IGF1R: variants seen among roughly 807,000 people sequenced by gnomAD.
IGF1R encodes the protein insulin like growth factor 1 receptor.
In IGF1R, 44 loss-of-function variants were observed where a neutral mutation model predicts 144.6. That is an observed-to-expected ratio of 0.30 (90% confidence interval 0.24 to 0.39). The LOEUF is 0.39. IGF1R is among the 10% of genes least tolerant of loss of function. The pLI, the probability that IGF1R is intolerant of heterozygous loss-of-function variation, is 1.00. For missense variants in IGF1R, 1,355 were observed against 1,833.7 expected, an observed-to-expected ratio of 0.74 and a Z score of 4.77; for synonymous variants, 795 against 722.8, an observed-to-expected ratio of 1.10 and a Z score of -1.60.
At chr15:98,941,742 T>C (rs1596475013) in intron 18 of IGF1R, among the ~76,000 whole-genome samples, 2 of 152,326 alleles carry the variant, frequency 1.3e-5, no homozygotes, top group South Asian at 2.1e-4. Context: ...GTAAATTATG[T>C]TGGTTCAAGT....
intron 1 of IGF1R, among the ~76,000 whole-genome samples, chr15:98,666,065 G>A (rs75422555): frequency 6.6e-6 from 1 of 152,160 alleles, no homozygotes; most frequent in South Asian, 2.1e-4. Context: ...AGGAGGAGGG[G>A]TTAATTCTTT....
rs2016116418 is a variant in IGF1R, at chr15:98,935,705, C to G, written c.3297+279C>G. Among the ~76,000 whole-genome samples, 1 of 152,052 alleles carries G rather than the reference C, an allele frequency of 6.6e-6. No homozygotes were observed. Among genetic ancestry groups the G allele is most frequent in the Non-Finnish European group, 1.5e-5 (1 of 67,996 alleles). On this transcript the variant is annotated intron_variant, in intron 17 of 20. Transcript: ENST00000650285. The surrounding 1 kb of genome is among the most constrained non-coding windows in gnomAD (Gnocchi z 4.2). ...TTCCCTCCACCCCCAGTCCCCTCCC[C>G]ACATCAGTGTCCACCTGCCAAGCCA... is the stretch of plus-strand genomic sequence containing the variant.
chr15:98,729,755 T>G (rs774541036), intron 2 of IGF1R, among the ~76,000 whole-genome samples: 22 of 152,162 alleles, frequency 1.4e-4, no homozygotes, highest in Admixed American at 6.5e-4. Context: ...TGAAGAGCCC[T>G]AACAGTAGGT....
In IGF1R at chr15:98,707,490, A is replaced by G; in HGVS notation, c.95-72A>G. ...TACAGGATTCCTGAAAACCAACTGT[A>G]TTATTGTTTGGAAAATAGTTTAAAA... On this transcript the variant is annotated intron_variant, in intron 1 of 20. Coordinates refer to ENST00000650285, the MANE Select transcript of IGF1R (RefSeq NM_000875.5). The surrounding 1 kb of genome is among the most constrained non-coding windows in gnomAD (Gnocchi z 6.7). 4 of 1,414,034 alleles carry G rather than the reference A, an allele frequency of 2.8e-6. No homozygotes were observed. Among genetic ancestry groups the G allele is most frequent in the Admixed American group, 3.8e-5 (2 of 53,248 alleles). The allele number at this position is 1,414,034 out of a possible 1,614,324, so 87.6% of individuals were successfully genotyped here. A position where few individuals can be genotyped will look rare whatever the true frequency, so the allele number is the denominator to read the frequency against.
intron 2 of IGF1R, among the ~76,000 whole-genome samples, chr15:98,826,924 G>A (rs112126639): frequency 3.9e-5 from 6 of 152,116 alleles, no homozygotes; most frequent in African/African-American, 7.2e-5. Context: ...AAAAGTCTAC[G>A]GGGTTTATAA....
chr15:98,818,595 G>A (rs2056743231), intron 2 of IGF1R, among the ~76,000 whole-genome samples: 1 of 151,852 alleles, frequency 6.6e-6, no homozygotes, highest in African/African-American at 2.4e-5. Context: ...GGGGGGTAGG[G>A]GTGCAGTCCT....
At chr15:98,709,251 TAAATA>T (rs1259521134) in intron 2 of IGF1R, among the ~76,000 whole-genome samples, 1 of 152,166 alleles carries the variant, frequency 6.6e-6, no homozygotes, top group Non-Finnish European at 1.5e-5. Flanking sequence ...GTGTGTAAAG[TAAATA>T]AAGGACAGAC....
At chr15:98,930,645 G>T (rs896141886) in intron 15 of IGF1R, among the ~76,000 whole-genome samples, 6 of 150,824 alleles carry the variant, frequency 4.0e-5, no homozygotes, top group African/African-American at 1.5e-4. Flanking sequence ...TCTAGTCAGA[G>T]GATATGCTGC....
intron 15 of IGF1R, among the ~76,000 whole-genome samples, chr15:98,933,434 C>A (rs1166516391): frequency 6.6e-6 from 1 of 152,044 alleles, no homozygotes; most frequent in Non-Finnish European, 1.5e-5. Flanking sequence ...GCCTCAACCT[C>A]CTGGGCTCAG....
intron 20 of IGF1R, among the ~76,000 whole-genome samples, chr15:98,956,764 A>G (rs2017002353): frequency 6.6e-6 from 1 of 152,258 alleles, no homozygotes; most frequent in Admixed American, 6.5e-5. Context: ...AACAGCTGTC[A>G]CGATGGACAG....
At chr15:98,896,609 A>G (rs1425494227) in intron 3 of IGF1R, 148 bp from the exon 4 acceptor site, 4 of 780,822 alleles carry the variant, frequency 5.1e-6, no homozygotes, top group Non-Finnish European at 8.3e-6. Context: ...GGGGTGAGAT[A>G]CCATGTGACC....
At chr15:98,703,282 T>A (rs2053780781) in intron 1 of IGF1R, among the ~76,000 whole-genome samples, 1 of 152,224 alleles carries the variant, frequency 6.6e-6, no homozygotes, top group Admixed American at 6.5e-5. Context: ...TAATCATCGG[T>A]GAGTAGCCAC....
chr15:98,735,191 T>C lies in IGF1R; in HGVS notation c.640+27084T>C, dbSNP rs1018909191. On this transcript the variant is annotated intron_variant, in intron 2 of 20. Transcript: ENST00000650285. ...TCGTTTCAGTCCAGGTAGGGTTTTA[T>C]GTCCCTGTCAAAAATGTGTTGTGTG... Among the ~76,000 whole-genome samples, 3 of 152,318 alleles carry C rather than the reference T, an allele frequency of 2.0e-5. No homozygotes were observed. The East Asian group carries it at 5.8e-4, about 29-fold the overall frequency.
At chr15:98,659,228 A>G (rs1027679509) in intron 1 of IGF1R, among the ~76,000 whole-genome samples, 3 of 151,998 alleles carry the variant, frequency 2.0e-5, no homozygotes, top group Non-Finnish European at 4.4e-5. Flanking sequence ...GTTGCTTATT[A>G]AACAGTTGTG....
intron 2 of IGF1R, among the ~76,000 whole-genome samples, chr15:98,779,524 C>T (rs1301636198): frequency 6.6e-6 from 1 of 152,224 alleles, no homozygotes; most frequent in African/African-American, 2.4e-5. Context: ...GGAGTTAAAA[C>T]AAGTTGCTCA....
At position 98,758,050 on chromosome 15, in the gene IGF1R, T is replaced by C. The variant is rs564693490; in HGVS notation, c.640+49943T>C. Among the ~76,000 whole-genome samples, 36 of 152,304 alleles carry C rather than the reference T, an allele frequency of 2.4e-4. 1 individual carries two copies. Among genetic ancestry groups the C allele is most frequent in the Admixed American group, 1.8e-3 (27 of 15,304 alleles). ...GCAATTTCTGCCGTTCCCATGACTT[T>C]CTCTGTCTCCTGGATGTGTTCTCTG... is the stretch of plus-strand genomic sequence containing the variant. On this transcript the variant is annotated intron_variant, in intron 2 of 20. Transcript: ENST00000650285.
chr15:98,896,716 C>G lies in IGF1R; in HGVS notation c.954-41C>G, dbSNP rs761755348. ...TTTTTTTAATGCAAGAAGACAGACT[C>G]AATTATGTGTGTTTTTGATTTTTTT... On this transcript the variant is annotated intron_variant, in intron 3 of 20. Coordinates refer to ENST00000650285, the MANE Select transcript of IGF1R (RefSeq NM_000875.5). 9 of 1,598,490 alleles carry G rather than the reference C, an allele frequency of 5.6e-6. No homozygotes were observed. In the South Asian group the frequency reaches 1.0e-4, roughly 18 times the overall value.
At chr15:98,861,533 TC>T (rs1205221568) in intron 2 of IGF1R, among the ~76,000 whole-genome samples, 1 of 152,154 alleles carries the variant, frequency 6.6e-6, no homozygotes, top group African/African-American at 2.4e-5. Flanking sequence ...ACTACATACT[TC>T]CTAGTTGTTG....
Position 98,691,704 on chromosome 15 carries a change from G to C in IGF1R, c.95-15858G>C, listed in dbSNP as rs192496940. Among the ~76,000 whole-genome samples, 85 of 152,176 alleles carry C rather than the reference G, an allele frequency of 5.6e-4. 1 individual carries two copies. The highest frequency in any genetic ancestry group is 2.0e-3 in the African/African-American group (81 of 41,524). ...TTAGTCTGGGACCATGGGTTTTTGG[G>C]AGCAAGACCACAGAGCTGAAATGCC... On this transcript the variant is annotated intron_variant, in intron 1 of 20. Transcript: ENST00000650285.
Sources: gnomAD v4.1 joint callset for allele counts (sites outside exome capture counted in the v4.1 genomes callset) on GRCh38, gnomAD v4.1.1 for gene constraint, Gnocchi (gnomAD v3.1) non-coding constraint, MANE v1.5 for transcripts, NCBI Gene and HGNC (gene_info 2026-07-23, HGNC 2026-07-21) for gene names.